Variants in DHRSX observed in about 807,000 individuals in gnomAD.
DHRSX encodes the protein polyprenol dehydrogenase.
DHRSX carries 31 observed loss-of-function variants against 34.0 expected under a neutral mutation model. That is an observed-to-expected ratio of 0.91 (90% CI 0.69 to 1.23). DHRSX has a LOEUF of 1.23. Ranked by LOEUF, DHRSX falls within the 50% of genes most tolerant of loss-of-function variation. The pLI, the probability that DHRSX is intolerant of heterozygous loss-of-function variation, is 0.00. For synonymous variants in DHRSX, 201 were observed against 183.8 expected (o/e 1.09, Z -0.76); for missense variants, 414 against 428.1 (o/e 0.97, Z 0.29).
chrX:2,326,208 C>T (rs1171824160), intron 3 of DHRSX, among the ~76,000 whole-genome samples: 5 of 152,142 alleles, frequency 3.3e-5, no homozygotes, highest in Non-Finnish European at 7.4e-5. Context: ...TGCAGGCTGA[C>T]AGTGGACAAG....
intron 3 of DHRSX, among the ~76,000 whole-genome samples, chrX:2,391,481 A>C (rs943061110): frequency 6.6e-6 from 1 of 152,186 alleles, no homozygotes; most frequent in Non-Finnish European, 1.5e-5. Context: ...AGCCATAGGT[A>C]GGAATTCTCA....
At chrX:2,396,605 T>TC (rs972032805) in intron 3 of DHRSX, among the ~76,000 whole-genome samples, 2 of 151,862 alleles carry the variant, frequency 1.3e-5, no homozygotes, top group Admixed American at 1.3e-4. Flanking sequence ...CTCGAACTCC[T>TC]GGCCTCAAGC....
chrX:2,367,203 G>A (rs1306508608), intron 3 of DHRSX, among the ~76,000 whole-genome samples: 2 of 152,082 alleles, frequency 1.3e-5, no homozygotes, highest in African/African-American at 2.4e-5. Context: ...ACTTTGGGAG[G>A]CTGAGGTGGG....
chrX:2,379,032 T>G (rs189367566), intron 3 of DHRSX, among the ~76,000 whole-genome samples: 16 of 152,304 alleles, frequency 1.1e-4, no homozygotes, highest in Admixed American at 3.3e-4. Context: ...AATAATGACC[T>G]GCCTCATGAT....
chrX:2,263,576 T>G (rs1474000045), intron 5 of DHRSX, among the ~76,000 whole-genome samples: 1 of 150,310 alleles, frequency 6.7e-6, no homozygotes, highest in Non-Finnish European at 1.5e-5. Context: ...TGCAGTGGCG[T>G]GATCTTGGCT....
intron 3 of DHRSX, among the ~76,000 whole-genome samples, chrX:2,348,251 T>C (rs768755526): frequency 2.6e-5 from 4 of 152,198 alleles, no homozygotes; most frequent in South Asian, 2.1e-4. Flanking sequence ...CCTGGAAAGG[T>C]TGGACTCTGT....
chrX:2,262,586 G>C (rs971852160), intron 5 of DHRSX, among the ~76,000 whole-genome samples: 3 of 152,200 alleles, frequency 2.0e-5, no homozygotes, highest in African/African-American at 4.8e-5. Flanking sequence ...CATCTCAGCT[G>C]TACACACAGG....
chrX:2,384,200 G>C (rs2043244702), intron 3 of DHRSX, among the ~76,000 whole-genome samples: 1 of 152,202 alleles, frequency 6.6e-6, no homozygotes, highest in Admixed American at 6.5e-5. Flanking sequence ...GTGGAGAAAA[G>C]CATCTCAGAC....
At chrX:2,314,898 C>T (rs1464482031) in intron 3 of DHRSX, among the ~76,000 whole-genome samples, 1 of 152,154 alleles carries the variant, frequency 6.6e-6, no homozygotes, top group Non-Finnish European at 1.5e-5. Flanking sequence ...TGGCTCACGC[C>T]TGCAATCTCA....
chrX:2,352,830 G>A (rs1164045309), intron 3 of DHRSX, among the ~76,000 whole-genome samples: 7 of 152,156 alleles, frequency 4.6e-5, no homozygotes, highest in Non-Finnish European at 7.4e-5. Flanking sequence ...ATGGGCATTC[G>A]GACCAGCACG....
In DHRSX at chrX:2,266,774, C is replaced by T. The variant is rs190171185; in HGVS notation, c.562G>A (p.Val188Ile). 37 of 1,613,956 alleles carry T rather than the reference C, an allele frequency of 2.3e-5. No individual in the cohort carries two copies. Among genetic ancestry groups the T allele is most frequent in the South Asian group, 9.9e-5 (9 of 91,076 alleles). ...VVTVSSATHY[V>I]AELNMDDLQS... ...AGGTCATCCATGTTCAGCTCAGCGA[C>T]GTAATGGGTGGCAGAGGAGACGGTG... Residue 188 changes from valine (V) to isoleucine (I), a missense_variant, in exon 5 of 7, where the codon GTC (valine) becomes ATC (isoleucine). Val to Ile is a conservative substitution (Grantham distance 29). Transcript: ENST00000334651.
rs200409354 is a variant in DHRSX at position 2,242,057 on chromosome X, TAAG to T, written c.804+963_804+965del. Among the ~76,000 whole-genome samples, 887 of 152,262 alleles carry T rather than the reference TAAG, an allele frequency of 5.8e-3. 23 individuals are homozygous for T. Among genetic ancestry groups the T allele is most frequent in the Admixed American group, 0.049 (747 of 15,266 alleles). ...CCCCAATTCCCCACTCCCCTTCCGC[TAAG>T]AAGAAGAGGACACAAGCGTCTGTAC... On this transcript the variant is annotated intron_variant, in intron 6 of 6. Coordinates refer to ENST00000334651, the MANE Select transcript of DHRSX (RefSeq NM_145177.3).
intron 1 of DHRSX, among the ~76,000 whole-genome samples, chrX:2,460,811 G>T (rs1190746815): frequency 6.6e-6 from 1 of 152,064 alleles, no homozygotes; most frequent in Non-Finnish European, 1.5e-5. Flanking sequence ...TCAAACCCCT[G>T]AGTTCAAGTG....
At chrX:2,423,930 A>G (rs1461034085) in intron 2 of DHRSX, among the ~76,000 whole-genome samples, 1 of 152,234 alleles carries the variant, frequency 6.6e-6, no homozygotes, top group Non-Finnish European at 1.5e-5. Context: ...TGGTTGCAGA[A>G]GAAACAAGTA....
chrX:2,373,461 G>A (rs2043103494), intron 3 of DHRSX, among the ~76,000 whole-genome samples: 1 of 152,050 alleles, frequency 6.6e-6, no homozygotes, highest in South Asian at 2.1e-4. Flanking sequence ...ATTTCCTCTG[G>A]GGCCTCCATT....
At chrX:2,491,473 C>G (rs1227387958) in intron 1 of DHRSX, among the ~76,000 whole-genome samples, 1 of 152,120 alleles carries the variant, frequency 6.6e-6, no homozygotes, top group Non-Finnish European at 1.5e-5. Context: ...GGGGATGAAG[C>G]CTACATAGAA....
chrX:2,259,272 C>CA (rs948179928), intron 5 of DHRSX, among the ~76,000 whole-genome samples: 19 of 105,860 alleles, frequency 1.8e-4, no homozygotes, highest in Admixed American at 3.9e-4. Context: ...GACTCTGTCT[C>CA]AAAAAAAAAA....
In DHRSX at chrX:2,489,100, G is replaced by A. The variant is rs771891237; in HGVS notation, c.109+11717C>T. The A allele has an allele frequency of 4.5e-5, 73 of 1,613,502 alleles. 1 individual carries two copies. Among genetic ancestry groups the A allele is most frequent in the South Asian group, 7.7e-5 (7 of 91,062 alleles). On this transcript the variant is annotated intron_variant, in intron 1 of 6. Coordinates refer to ENST00000334651, the MANE Select transcript of DHRSX (RefSeq NM_145177.3). The stretch of plus-strand genomic sequence containing the variant: ...CCAGCATGTTGTTGATGACGCTGGC[G>A]GGCGGCGGCGTGGATGTCCGCATGA...
intron 3 of DHRSX, among the ~76,000 whole-genome samples, chrX:2,386,206 G>GAGAGAGAGAGAGAA (rs2043270707): frequency 7.1e-6 from 1 of 140,048 alleles, no homozygotes; most frequent in Non-Finnish European, 1.6e-5. Context: ...TTTTGTGTGT[G>GAGAGAGAGAGAGAA]AGAGAGAGAG....
Sources: gnomAD v4.1 joint callset for allele counts (sites outside exome capture counted in the v4.1 genomes callset) on GRCh38, gnomAD v4.1.1 for gene constraint, MANE v1.5 for transcripts, NCBI Gene and HGNC (gene_info 2026-07-23, HGNC 2026-07-21) for gene names.